The following FHIT variants were observed in gnomAD, a reference collection of about 807,000 sequenced individuals.
FHIT encodes bis(5'-adenosyl)-triphosphatase.
A neutral mutation model predicts 17.9 loss-of-function variants in FHIT; 19 were observed. The ratio of observed to expected loss-of-function variants is 1.06; its 90% CI spans 0.74 to 1.56. The LOEUF (loss-of-function observed/expected upper bound fraction) is 1.56. Among genes scored for constraint, FHIT ranks in the 40% most tolerant of loss-of-function variants. The pLI, the probability that FHIT is intolerant of heterozygous loss-of-function variation, is 0.00. For missense variants in FHIT, 248 were observed against 189.2 expected, an observed-to-expected ratio of 1.31 and a Z score of -1.82; for synonymous variants, 81 against 69.7, an observed-to-expected ratio of 1.16 and a Z score of -0.81.
At chr3:60,914,815 C>A (rs1553766756) in intron 3 of FHIT, among the ~76,000 whole-genome samples, 1 of 152,130 alleles carries the variant, frequency 6.6e-6, no homozygotes, top group Non-Finnish European at 1.5e-5. Flanking sequence ...GGTGGGGGAA[C>A]AAACAAACAG....
intron 4 of FHIT, among the ~76,000 whole-genome samples, chr3:60,802,467 A>G (rs1207947311): frequency 3.3e-5 from 5 of 152,234 alleles, no homozygotes; most frequent in Non-Finnish European, 5.9e-5. Flanking sequence ...TTGCCCTGGC[A>G]AGACCCAAAA....
chr3:60,591,059 G>C (rs2038068783), intron 4 of FHIT, among the ~76,000 whole-genome samples: 1 of 152,042 alleles, frequency 6.6e-6, no homozygotes, highest in South Asian at 2.1e-4. Context: ...AATACAGTCA[G>C]CCCAGGATTA....
chr3:60,236,772 A>G, intron 5 of FHIT, among the ~76,000 whole-genome samples: 1 of 152,288 alleles, frequency 6.6e-6, no homozygotes, highest in Admixed American at 6.5e-5. Flanking sequence ...CCATATAGAA[A>G]AATATAAAAA....
intron 5 of FHIT, among the ~76,000 whole-genome samples, chr3:60,175,079 G>C (rs1022356233): frequency 2.0e-5 from 3 of 152,092 alleles, no homozygotes; most frequent in East Asian, 3.9e-4. Context: ...ATGCTCCTTC[G>C]AATTTTATCT....
intron 5 of FHIT, among the ~76,000 whole-genome samples, chr3:60,516,779 T>G (rs2035175905): frequency 6.6e-6 from 1 of 152,184 alleles, no homozygotes; most frequent in Non-Finnish European, 1.5e-5. Flanking sequence ...CAGAGTAACG[T>G]CTCTGTACTG....
chr3:60,499,057 T>C (rs2034416935), intron 5 of FHIT, among the ~76,000 whole-genome samples: 1 of 152,126 alleles, frequency 6.6e-6, no homozygotes, highest in African/African-American at 2.4e-5. Context: ...AAATGCTTCA[T>C]AGTGTTTGCT....
chr3:59,877,531 G>A (rs1386019990), intron 8 of FHIT, among the ~76,000 whole-genome samples: 2 of 152,168 alleles, frequency 1.3e-5, no homozygotes, highest in Non-Finnish European at 2.9e-5. Flanking sequence ...AGGCTTGTGG[G>A]ACATGTAAAC....
intron 3 of FHIT, among the ~76,000 whole-genome samples, chr3:61,001,597 A>G (rs1047358702): frequency 6.6e-6 from 1 of 152,226 alleles, no homozygotes; most frequent in African/African-American, 2.4e-5. Flanking sequence ...AGCATTCATG[A>G]AATATGATAA....
intron 5 of FHIT, among the ~76,000 whole-genome samples, chr3:60,083,181 T>C (rs895788867): frequency 6.6e-6 from 1 of 152,148 alleles, no homozygotes; most frequent in African/African-American, 2.4e-5. Context: ...CTTGTGCATA[T>C]AGTTAGCCAG....
chr3:59,986,751 T>TAC (rs369620866), intron 7 of FHIT, among the ~76,000 whole-genome samples: 2 of 9,130 alleles, frequency 2.2e-4, no homozygotes, highest in African/African-American at 3.3e-4. Flanking sequence ...TATATTTATA[T>TAC]ATATATAAAT....
chr3:60,080,285 G>A (rs1243431563), intron 5 of FHIT, among the ~76,000 whole-genome samples: 1 of 152,122 alleles, frequency 6.6e-6, no homozygotes, highest in African/African-American at 2.4e-5. Context: ...TCAGGGTTGT[G>A]CTTGTGTATG....
At chr3:61,162,986 A>G (rs1299543166) in intron 2 of FHIT, among the ~76,000 whole-genome samples, 1 of 152,218 alleles carries the variant, frequency 6.6e-6, no homozygotes, top group Non-Finnish European at 1.5e-5. Flanking sequence ...TATGAGAGTC[A>G]TGATTTCACC....
intron 4 of FHIT, among the ~76,000 whole-genome samples, chr3:60,632,689 A>G (rs1032214658): frequency 6.6e-6 from 1 of 152,206 alleles, no homozygotes; most frequent in Admixed American, 6.5e-5. Context: ...TGGGAAGGAC[A>G]TACTTCTTAG....
At chr3:59,991,083 T>C (rs1408484082) in intron 7 of FHIT, among the ~76,000 whole-genome samples, 1 of 152,038 alleles carries the variant, frequency 6.6e-6, no homozygotes, top group Non-Finnish European at 1.5e-5. Flanking sequence ...TTCAGCAGAC[T>C]ACCAGCTCCA....
chr3:59,785,450 C>T (rs1438719328), intron 8 of FHIT, among the ~76,000 whole-genome samples: 1 of 151,922 alleles, frequency 6.6e-6, no homozygotes, highest in African/African-American at 2.4e-5. Context: ...GCTGGGTTTA[C>T]AGGCGTGCAT....
chr3:60,288,355 G>T (rs1291939062), intron 5 of FHIT, among the ~76,000 whole-genome samples: 1 of 152,102 alleles, frequency 6.6e-6, no homozygotes, highest in Non-Finnish European at 1.5e-5. Flanking sequence ...ATTTTAAAAG[G>T]TAAGGATCAC....
intron 7 of FHIT, among the ~76,000 whole-genome samples, chr3:59,995,600 C>T (rs1699473358): frequency 6.6e-6 from 1 of 152,038 alleles, no homozygotes; most frequent in African/African-American, 2.4e-5. Context: ...CTTAAAAAAT[C>T]CATGATGTAA....
intron 3 of FHIT, among the ~76,000 whole-genome samples, chr3:60,953,469 T>G (rs1192896059): frequency 6.6e-6 from 1 of 152,168 alleles, no homozygotes; most frequent in Non-Finnish European, 1.5e-5. Flanking sequence ...CTTTTTAACA[T>G]TTCCAAAATA....
intron 5 of FHIT, among the ~76,000 whole-genome samples, chr3:60,095,683 CG>C (rs1344684727): frequency 2.0e-5 from 3 of 152,134 alleles, no homozygotes; most frequent in African/African-American, 7.2e-5. Flanking sequence ...TCTAGATAAT[CG>C]GCCTCATTGT....
Sources: allele counts gnomAD v4.1 joint callset (sites outside exome capture counted in the v4.1 genomes callset), GRCh38; gene constraint gnomAD v4.1.1; transcripts MANE v1.5; gene names NCBI Gene and HGNC (gene_info 2026-07-23, HGNC 2026-07-21).